The following SMYD3 variants were observed in gnomAD, a reference collection of about 807,000 sequenced individuals.
SMYD3 encodes histone-lysine N-methyltransferase SMYD3.
A neutral mutation model predicts 57.7 loss-of-function variants in SMYD3; 36 were observed. The observed-to-expected ratio is 0.62, with a 90% CI of 0.48 to 0.82. SMYD3 has a LOEUF of 0.82. SMYD3 is among the 40% of genes least tolerant of loss of function. The pLI is 0.00. For synonymous variants in SMYD3, 211 were observed against 195.0 expected (o/e 1.08, Z -0.68); for missense variants, 515 against 538.8 (o/e 0.96, Z 0.44).
At chr1:245,916,560 C>T (rs1297111594) in intron 7 of SMYD3, among the ~76,000 whole-genome samples, 1 of 152,108 alleles carries the variant, frequency 6.6e-6, no homozygotes, top group African/African-American at 2.4e-5. Flanking sequence ...TCATCCTTGA[C>T]TTCACTCTTT....
At chr1:246,368,198 C>T (rs956723515) in intron 1 of SMYD3, among the ~76,000 whole-genome samples, 9 of 152,204 alleles carry the variant, frequency 5.9e-5, no homozygotes, top group Admixed American at 4.6e-4. Context: ...ACAACCATCT[C>T]TAAGAAATTT....
At chr1:246,169,956 C>G (rs1035559286) in intron 5 of SMYD3, among the ~76,000 whole-genome samples, 1 of 150,558 alleles carries the variant, frequency 6.6e-6, no homozygotes, top group Non-Finnish European at 1.5e-5. Flanking sequence ...TACCTATAAA[C>G]TCATTTTTCA....
intron 5 of SMYD3, among the ~76,000 whole-genome samples, chr1:246,144,346 G>A (rs1390175085): frequency 6.6e-6 from 1 of 152,158 alleles, no homozygotes; most frequent in Admixed American, 6.5e-5. Context: ...TCATTTTTAT[G>A]TTTGCAATAA....
intron 5 of SMYD3, among the ~76,000 whole-genome samples, chr1:245,991,825 C>T (rs1204126198): frequency 4.4e-4 from 57 of 128,104 alleles, no homozygotes; most frequent in African/African-American, 1.6e-3. Context: ...ACCTCAGAAA[C>T]GGCCTGCCGT....
chr1:246,499,115 G>GA (rs917874430), intron 1 of SMYD3, among the ~76,000 whole-genome samples: 9 of 151,630 alleles, frequency 5.9e-5, no homozygotes, highest in African/African-American at 1.5e-4. Context: ...AGAGAGACAT[G>GA]AAAAAAATGT....
At chr1:246,136,989 T>C (rs2061674900) in intron 5 of SMYD3, among the ~76,000 whole-genome samples, 1 of 152,186 alleles carries the variant, frequency 6.6e-6, no homozygotes, top group African/African-American at 2.4e-5. Context: ...CAGGGAACAG[T>C]AGGCAGAGGA....
intron 10 of SMYD3, among the ~76,000 whole-genome samples, chr1:245,775,555 C>A (rs372597892): frequency 6.6e-6 from 1 of 150,926 alleles, no homozygotes; most frequent in Non-Finnish European, 1.5e-5. Flanking sequence ...ATCTCAAGTA[C>A]CCAGGGACAC....
At chr1:245,767,833 T>C (rs1208418982) in intron 10 of SMYD3, among the ~76,000 whole-genome samples, 1 of 152,170 alleles carries the variant, frequency 6.6e-6, no homozygotes, top group African/African-American at 2.4e-5. Context: ...AGCTAGGAAC[T>C]CTGGACTTAC....
At chr1:246,347,107 G>A (rs1046333683) in intron 2 of SMYD3, among the ~76,000 whole-genome samples, 3 of 151,508 alleles carry the variant, frequency 2.0e-5, no homozygotes, top group Non-Finnish European at 4.4e-5. Context: ...ATCTCAATAT[G>A]GTAACCACCA....
intron 5 of SMYD3, chr1:246,326,370 A>G: frequency 1.4e-6 from 1 of 703,842 alleles, no homozygotes; most frequent in East Asian, 2.7e-5. Context: ...GTAAATATCA[A>G]GAAGCAATCA....
At chr1:245,770,721 A>G (rs1049665077) in intron 10 of SMYD3, among the ~76,000 whole-genome samples, 1 of 152,238 alleles carries the variant, frequency 6.6e-6, no homozygotes, top group African/African-American at 2.4e-5. Flanking sequence ...TCTCATACAC[A>G]GACTTTAAAA....
chr1:246,005,500 T>C (rs1392762654), intron 5 of SMYD3, among the ~76,000 whole-genome samples: 5 of 152,192 alleles, frequency 3.3e-5, no homozygotes, highest in Non-Finnish European at 7.3e-5. Flanking sequence ...CCTGTCTCTA[T>C]AAAGGGCTAC....
chr1:246,333,528 C>G (rs536553049), intron 3 of SMYD3, among the ~76,000 whole-genome samples: 1 of 152,258 alleles, frequency 6.6e-6, no homozygotes, highest in African/African-American at 2.4e-5. Flanking sequence ...TATCCAGAAT[C>G]TATAAGGAAC....
intron 5 of SMYD3, among the ~76,000 whole-genome samples, chr1:246,015,935 T>G (rs1025116860): frequency 5.3e-5 from 8 of 152,162 alleles, no homozygotes; most frequent in African/African-American, 1.9e-4. Flanking sequence ...AACTGCTGGA[T>G]CATATAATAA....
intron 8 of SMYD3, among the ~76,000 whole-genome samples, chr1:245,914,178 C>G (rs2055226985): frequency 6.6e-6 from 1 of 152,172 alleles, no homozygotes; most frequent in African/African-American, 2.4e-5. Context: ...TTTGCACCCA[C>G]CTAATAGTAT....
At chr1:246,019,318 G>C (rs1462016663) in intron 5 of SMYD3, among the ~76,000 whole-genome samples, 2 of 152,158 alleles carry the variant, frequency 1.3e-5, no homozygotes, top group African/African-American at 4.8e-5. Flanking sequence ...AGGTTATCCA[G>C]CCCAAAATGT....
intron 5 of SMYD3, among the ~76,000 whole-genome samples, chr1:245,949,462 A>G (rs1242719473): frequency 6.6e-6 from 1 of 152,104 alleles, no homozygotes; most frequent in Non-Finnish European, 1.5e-5. Flanking sequence ...AAAGAAAAAG[A>G]AAAAAAATCA....
chr1:245,862,641 G>GA (rs1367160281), intron 9 of SMYD3, among the ~76,000 whole-genome samples: 1 of 152,076 alleles, frequency 6.6e-6, no homozygotes, highest in African/African-American at 2.4e-5. Context: ...GCCCGAGATG[G>GA]AAAAACAACA....
chr1:246,189,417 A>G (rs899846338), intron 5 of SMYD3, among the ~76,000 whole-genome samples: 3 of 152,350 alleles, frequency 2.0e-5, no homozygotes, highest in East Asian at 3.9e-4. Context: ...AGCATGACTG[A>G]CTGGATGAAT....
Sources: gnomAD v4.1 joint callset for allele counts (sites outside exome capture counted in the v4.1 genomes callset) on GRCh38, gnomAD v4.1.1 for gene constraint, MANE v1.5 for transcripts, NCBI Gene and HGNC (gene_info 2026-07-23, HGNC 2026-07-21) for gene names.